SYNPR: variants seen among roughly 807,000 people sequenced by gnomAD.
SYNPR encodes the protein synaptoporin.
In SYNPR, 23 loss-of-function variants were observed where a neutral mutation model predicts 32.9. The observed-to-expected ratio is 0.70, with a 90% confidence interval of 0.50 to 0.99. The LOEUF (loss-of-function observed/expected upper bound fraction) is 0.99, where lower values mean the gene tolerates loss of function less well. SYNPR is among the 50% of genes least tolerant of loss of function. The pLI is 0.00. For missense variants in SYNPR, 318 were observed against 349.3 expected, an observed-to-expected ratio of 0.91 and a Z score of 0.71; for synonymous variants, 146 against 135.9, an observed-to-expected ratio of 1.07 and a Z score of -0.52.
chr3:63,286,220 A>G (rs1285557250), intron 2 of SYNPR, among the ~76,000 whole-genome samples: 1 of 152,214 alleles, frequency 6.6e-6, no homozygotes, highest in Non-Finnish European at 1.5e-5. Context: ...AAATTCCAGC[A>G]AGGCCAGTAT....
chr3:63,284,082 A>G (rs1215598516), intron 2 of SYNPR, among the ~76,000 whole-genome samples: 2 of 152,204 alleles, frequency 1.3e-5, no homozygotes, highest in Admixed American at 1.3e-4. Flanking sequence ...TGCTGGGATT[A>G]CAGGCGTGAG....
chr3:63,342,292 CT>C (rs1472556870), intron 2 of SYNPR, among the ~76,000 whole-genome samples: 1 of 152,160 alleles, frequency 6.6e-6, no homozygotes, highest in Non-Finnish European at 1.5e-5. Context: ...AGAAGTTCCT[CT>C]TTAATTCTTG....
chr3:63,453,355 T>C (rs922452378), intron 2 of SYNPR, among the ~76,000 whole-genome samples: 2 of 152,122 alleles, frequency 1.3e-5, no homozygotes, highest in Non-Finnish European at 2.9e-5. Context: ...TTTTTACCTC[T>C]GGAATCAGTT....
chr3:63,462,515 A>C (rs1395095672), intron 2 of SYNPR, among the ~76,000 whole-genome samples: 1 of 152,134 alleles, frequency 6.6e-6, no homozygotes, highest in Non-Finnish European at 1.5e-5. Flanking sequence ...AGATCAAATA[A>C]AACCTTGAAG....
At chr3:63,499,749 C>A (rs1204012523) in intron 3 of SYNPR, among the ~76,000 whole-genome samples, 1 of 151,814 alleles carries the variant, frequency 6.6e-6, no homozygotes, top group African/African-American at 2.4e-5. Context: ...CCAAAAATAC[C>A]CTCATTTCTT....
At chr3:63,488,756 T>C (rs1398695320) in intron 3 of SYNPR, among the ~76,000 whole-genome samples, 2 of 152,176 alleles carry the variant, frequency 1.3e-5, no homozygotes, top group Non-Finnish European at 2.9e-5. Flanking sequence ...GTAGACCAAG[T>C]ATGACAGTCC....
intron 2 of SYNPR, among the ~76,000 whole-genome samples, chr3:63,478,206 T>A (rs1700973862): frequency 6.6e-6 from 1 of 152,226 alleles, no homozygotes; most frequent in Non-Finnish European, 1.5e-5. Flanking sequence ...AATACATAAC[T>A]ATCATTCCTT....
chr3:63,439,208 A>G (rs1022403447), intron 2 of SYNPR, among the ~76,000 whole-genome samples: 1 of 152,228 alleles, frequency 6.6e-6, no homozygotes, highest in Non-Finnish European at 1.5e-5. Flanking sequence ...CTCTGACCAT[A>G]TTAGAAATTA....
intron 2 of SYNPR, among the ~76,000 whole-genome samples, chr3:63,344,236 T>C (rs534543812): frequency 6.6e-6 from 1 of 152,280 alleles, no homozygotes; most frequent in African/African-American, 2.4e-5. Flanking sequence ...TCAATAGCCC[T>C]TTACAAACAG....
intron 2 of SYNPR, among the ~76,000 whole-genome samples, chr3:63,332,930 C>T (rs140719036): frequency 4.2e-4 from 64 of 152,180 alleles, no homozygotes; most frequent in African/African-American, 1.4e-3. Context: ...GCATCCCAGG[C>T]CTCTGCTCAT....
chr3:63,335,746 C>T (rs1186799780), intron 2 of SYNPR, among the ~76,000 whole-genome samples: 1 of 148,232 alleles, frequency 6.7e-6, no homozygotes, highest in Non-Finnish European at 1.5e-5. Flanking sequence ...TTCTAACACA[C>T]TCAAGTCCAT....
chr3:63,285,342 A>T (rs1459311964), intron 2 of SYNPR, among the ~76,000 whole-genome samples: 4 of 149,132 alleles, frequency 2.7e-5, no homozygotes, highest in African/African-American at 7.5e-5. Context: ...AAAGGCAATA[A>T]TTTAATCTCA....
intron 1 of SYNPR, among the ~76,000 whole-genome samples, chr3:63,248,879 G>T (rs1173802157): frequency 1.3e-5 from 2 of 152,106 alleles, no homozygotes; most frequent in Non-Finnish European, 2.9e-5. Flanking sequence ...CTCTGCATTT[G>T]CAGTGTGAAG....
chr3:63,467,517 T>C (rs1025340224), intron 2 of SYNPR, among the ~76,000 whole-genome samples: 1 of 152,232 alleles, frequency 6.6e-6, no homozygotes, highest in South Asian at 2.1e-4. Context: ...ATGGTTTACA[T>C]AGCTCTAAAA....
intron 2 of SYNPR, among the ~76,000 whole-genome samples, chr3:63,283,410 G>A (rs2086648034): frequency 6.6e-6 from 1 of 152,152 alleles, no homozygotes; most frequent in Non-Finnish European, 1.5e-5. Flanking sequence ...TGAGGTCAGG[G>A]TACTTTTCAC....
At chr3:63,320,308 A>G (rs2106966848) in intron 2 of SYNPR, among the ~76,000 whole-genome samples, 1 of 152,162 alleles carries the variant, frequency 6.6e-6, no homozygotes, top group South Asian at 2.1e-4. Flanking sequence ...TGATGCATCA[A>G]TGGGAAGTCA....
At chr3:63,610,470 A>G in intron 5 of SYNPR, 1 of 697,610 alleles carries the variant, frequency 1.4e-6, no homozygotes. Context: ...CTGTGTTTCT[A>G]CAGCTTTCTG....
chr3:63,537,240 T>C (rs1447906728), intron 3 of SYNPR, among the ~76,000 whole-genome samples: 2 of 151,950 alleles, frequency 1.3e-5, no homozygotes, highest in African/African-American at 2.4e-5. Context: ...TTCAGACTCT[T>C]TTATAACTAT....
At chr3:63,209,743 C>T in the SYNPR span, among the ~76,000 whole-genome samples, 1 of 152,160 alleles carries the variant, frequency 6.6e-6, no homozygotes, top group African/African-American at 2.4e-5. Context: ...GGAAGAGTTC[C>T]CATGTCTCTA....
Sources: gnomAD v4.1 joint callset for allele counts (sites outside exome capture counted in the v4.1 genomes callset) on GRCh38, gnomAD v4.1.1 for gene constraint, MANE v1.5 for transcripts, NCBI Gene and HGNC (gene_info 2026-07-23, HGNC 2026-07-21) for gene names.